OSMR: variants seen among roughly 807,000 people sequenced by gnomAD.
OSMR encodes the protein oncostatin M receptor.
In OSMR, 81 loss-of-function variants were observed where a neutral mutation model predicts 99.9. That is an observed-to-expected ratio of 0.81 (90% CI 0.68 to 0.97). OSMR has a LOEUF of 0.97. OSMR is among the 50% of genes least tolerant of loss of function. OSMR has a pLI of 0.00. For synonymous variants in OSMR, 406 were observed against 410.4 expected, an observed-to-expected ratio of 0.99 and a Z score of 0.13; for missense variants, 1,099 against 1,153.4, an observed-to-expected ratio of 0.95 and a Z score of 0.68.
Position 38,873,159 on chromosome 5 carries a change from T to C in OSMR, c.74-3042T>C, listed in dbSNP as rs1227516263. 2.0e-5 allele frequency among the ~76,000 whole-genome samples: 3 copies of C among 152,246 alleles called. No homozygotes were observed. In the East Asian group the frequency reaches 5.8e-4, roughly 29 times the overall value. On this transcript the variant is annotated intron_variant, in intron 2 of 17. Transcript: ENST00000274276. ...CTTTCTGTCTCTATGGTACTTATTA[T>C]TCTGGCAATTTCATACAAATGGAAT... is the stretch of plus-strand genomic sequence containing the variant.
At chr5:38,921,544 T>G in intron 11 of OSMR, 71 bp from the exon 12 acceptor site, 1 of 1,608,946 alleles carries the variant, frequency 6.2e-7, no homozygotes, top group Non-Finnish European at 8.5e-7. Context: ...GTATTTACTT[T>G]CTACCTTACA....
intron 7 of OSMR, 48 bp downstream of exon 7, chr5:38,886,238 G>T (rs939844641): frequency 8.7e-6 from 14 of 1,613,510 alleles, no homozygotes; most frequent in Non-Finnish European, 1.2e-5. Context: ...ACGTGTCTTT[G>T]TTTCACAGAC....
At chr5:38,900,433 T>C (rs1000545394) in intron 7 of OSMR, among the ~76,000 whole-genome samples, 6 of 152,240 alleles carry the variant, frequency 3.9e-5, no homozygotes, top group Non-Finnish European at 7.3e-5. Flanking sequence ...TTTTTTCATA[T>C]AATTGTTAAT....
intron 14 of OSMR, 28 bp from the exon 15 acceptor site, chr5:38,925,176 G>C: frequency 1.9e-6 from 3 of 1,588,162 alleles, no homozygotes; most frequent in Non-Finnish European, 2.6e-6. Flanking sequence ...TTTTTTCCTT[G>C]AAAAAAAAAC....
intron 7 of OSMR, among the ~76,000 whole-genome samples, chr5:38,893,426 A>G (rs1376398849): frequency 6.6e-6 from 1 of 152,260 alleles, no homozygotes; most frequent in Non-Finnish European, 1.5e-5. Context: ...GAAAATCAAC[A>G]TGAAGAAACT....
intron 12 of OSMR, among the ~76,000 whole-genome samples, chr5:38,922,394 A>G (rs527316390): frequency 6.6e-6 from 1 of 152,194 alleles, no homozygotes; most frequent in East Asian, 1.9e-4. Context: ...TGGGTTGTGG[A>G]AGGAGATTGC....
chr5:38,875,994 C>A (rs10051334), intron 2 of OSMR: 22,720 of 201,712 alleles, frequency 0.11, 3,371 homozygotes, highest in East Asian at 0.48. Context: ...TTGAGCAAGT[C>A]ATTTCATTCA....
In OSMR at chr5:38,935,190, C is replaced by T. The variant is rs1254687631; in HGVS notation, c.*1746C>T. 1.3e-5 allele frequency: 2 copies of T among 152,312 alleles called. No individual in the cohort carries two copies. The highest frequency in any genetic ancestry group is 2.4e-5 in the African/African-American group (1 of 41,452). The allele number at this position is 152,312 out of a possible 1,614,324, so 9.4% of individuals were successfully genotyped here. A position where few individuals can be genotyped will look rare whatever the true frequency, so the allele number is the denominator to read the frequency against. On this transcript the variant is annotated 3_prime_UTR_variant, in exon 18 of 18. Coordinates refer to ENST00000274276, the MANE Select transcript of OSMR (RefSeq NM_003999.3). The stretch of plus-strand genomic sequence containing the variant: ...TCATTTTTGTCTTCTTCTTGCCTGC[C>T]GTCAGCATGGTGGAAATGGCTCTGC...
chr5:38,862,003 G>A (rs1371118486), intron 1 of OSMR, among the ~76,000 whole-genome samples: 73 of 123,072 alleles, frequency 5.9e-4, no homozygotes, highest in African/African-American at 2.3e-3. Context: ...CGGACGGGGC[G>A]GCTGGCCGGG....
At chr5:38,919,994 A>C (rs190090109) in intron 11 of OSMR, among the ~76,000 whole-genome samples, 9 of 152,312 alleles carry the variant, frequency 5.9e-5, no homozygotes, top group Admixed American at 5.9e-4. Context: ...CTGCTTTCTG[A>C]AGAACTATAT....
Position 38,881,626 on chromosome 5 carries a change from G to T in OSMR, c.280G>T (p.Val94Phe). Residue 94 changes from valine to phenylalanine, a missense_variant, in exon 4 of 18, where the codon GTT (valine) becomes TTT (phenylalanine). Coordinates refer to ENST00000274276, the MANE Select transcript of OSMR (RefSeq NM_003999.3). Reference sequence around the variant, plus strand: ...CAGCACCACTGTGAAGTGGAACCAGGTTCTGCATTGGAGCTGGGAATCTGA... The same window carrying T: ...CAGCACCACTGTGAAGTGGAACCAGTTTCTGCATTGGAGCTGGGAATCTGA... ...NYSTTVKWNQ[V>F]LHWSWESELP... 1.2e-6 allele frequency: 2 copies of T among 1,614,108 alleles called. No homozygotes were observed. The highest frequency in any genetic ancestry group is 1.7e-6 in the Non-Finnish European group (2 of 1,179,984).
chr5:38,903,848 G>C lies in OSMR; in HGVS notation c.992-34G>C, dbSNP rs1001260998. ...CCAATGTCTTTTTGGATCTATGCTTGAATTTTTTTGTTTCTTTTTCTTTTT... is the reference window on the plus strand; with the variant it reads ...CCAATGTCTTTTTGGATCTATGCTTCAATTTTTTTGTTTCTTTTTCTTTTT... On this transcript the variant is annotated intron_variant, in intron 7 of 17. Transcript: ENST00000274276. The C allele has an allele frequency of 3.1e-6, 5 of 1,593,538 alleles. No homozygotes were observed. The African/African-American group carries it at 6.7e-5, about 21-fold the overall frequency.
At chr5:38,861,329 G>A (rs933006578) in intron 1 of OSMR, among the ~76,000 whole-genome samples, 6 of 151,896 alleles carry the variant, frequency 4.0e-5, no homozygotes, top group Admixed American at 1.3e-4. Context: ...GATTCTTAAC[G>A]AGCATGCTGC....
intron 9 of OSMR, among the ~76,000 whole-genome samples, chr5:38,914,448 A>G (rs1440592674): frequency 6.6e-6 from 1 of 152,228 alleles, no homozygotes; most frequent in Non-Finnish European, 1.5e-5. Context: ...ACCTTCGTAA[A>G]AAGCAGTTTG....
intron 1 of OSMR, among the ~76,000 whole-genome samples, chr5:38,852,978 G>A (rs997306182): frequency 7.9e-5 from 12 of 151,818 alleles, no homozygotes; most frequent in South Asian, 4.2e-4. Context: ...TGATCCGCCC[G>A]CCTCGGCCTC....
chr5:38,921,610 T>C lies in OSMR; in HGVS notation c.1586-5T>C. ...TGGAGCATTGCTCTATTTGTTTATA[T>C]ACAGAAGAGGTTGAGGAAGAAAGAA... is the stretch of plus-strand genomic sequence containing the variant. On this transcript the variant is annotated splice_region_variant and splice_polypyrimidine_tract_variant and intron_variant, in intron 11 of 17. Transcript: ENST00000274276. 6.2e-7 allele frequency: 1 copy of C among 1,614,150 alleles called. No homozygotes were observed.
rs878913909 is a variant in OSMR, at chr5:38,885,381, G to A, written c.736G>A (p.Glu246Lys). ...TGAGGAGCCCAAGGACTTTTCTTGT[G>A]AAACCGAGGACTTCAAGACTTTGCA... Reference protein sequence around the residue: ...VLEEPKDFSCETEDFKTLHCT... With the variant: ...VLEEPKDFSCKTEDFKTLHCT... The change falls in exon 6 of 18, where the codon GAA becomes AAA. Residue 246 changes from glutamate to lysine, a missense_variant. Transcript: ENST00000274276. 1 of 1,613,908 alleles carries A rather than the reference G, an allele frequency of 6.2e-7. No homozygotes were observed. The highest frequency in any genetic ancestry group is 1.1e-5 in the South Asian group (1 of 91,074).
intron 2 of OSMR, among the ~76,000 whole-genome samples, chr5:38,872,200 G>A (rs1189174238): frequency 6.6e-6 from 1 of 152,162 alleles, no homozygotes; most frequent in Non-Finnish European, 1.5e-5. Context: ...TATTTCCCAA[G>A]GAAGTCCTAG....
At chr5:38,900,169 C>A (rs755285439) in intron 7 of OSMR, among the ~76,000 whole-genome samples, 13 of 152,264 alleles carry the variant, frequency 8.5e-5, no homozygotes, top group Middle Eastern at 3.4e-3. Context: ...CTGAGTTCAA[C>A]CTGGTTTTGC....
Sources: gnomAD v4.1 joint callset for allele counts (sites outside exome capture counted in the v4.1 genomes callset) on GRCh38, gnomAD v4.1.1 for gene constraint, MANE v1.5 for transcripts, NCBI Gene and HGNC (gene_info 2026-07-23, HGNC 2026-07-21) for gene names.